Variants in PAM observed in about 807,000 individuals in gnomAD.
The protein encoded by PAM is peptidylglycine alpha-amidating monooxygenase, also known as peptidyl-glycine alpha-amidating monooxygenase.
A neutral mutation model predicts 122.1 loss-of-function variants in PAM; 72 were observed. The ratio of observed to expected loss-of-function variants is 0.59; its 90% confidence interval spans 0.49 to 0.72. The LOEUF is 0.72. PAM is among the 30% of genes least tolerant of loss of function. The pLI is 0.00. For missense variants in PAM, 1,106 were observed against 1,183.7 expected (o/e 0.93, Z 0.96); for synonymous variants, 389 against 404.4 (o/e 0.96, Z 0.46).
At chr5:102,930,503 G>T (rs1381783797) in intron 7 of PAM, among the ~76,000 whole-genome samples, 1 of 152,160 alleles carries the variant, frequency 6.6e-6, no homozygotes, top group African/African-American at 2.4e-5. Flanking sequence ...GAGTGAAACA[G>T]CATCTTAGAC....
intron 14 of PAM, among the ~76,000 whole-genome samples, chr5:102,968,009 CACAGTGCCCAGCCAAAA>C (rs1764643836): frequency 1.3e-5 from 2 of 152,048 alleles, no homozygotes; most frequent in African/African-American, 4.8e-5. Flanking sequence ...AGGCATGAGC[CACAGTGCCCAGCCAAAA>C]ACTAGTCATT....
intron 1 of PAM, among the ~76,000 whole-genome samples, chr5:102,789,222 G>A (rs1561451836): frequency 1.3e-5 from 2 of 152,030 alleles, no homozygotes; most frequent in African/African-American, 4.8e-5. Flanking sequence ...TTAAAAATCA[G>A]AAGACATGTT....
At chr5:103,002,036 A>G (rs1552916) in intron 16 of PAM, among the ~76,000 whole-genome samples, 50,833 of 151,776 alleles carry the variant, frequency 0.33, 8,705 homozygotes, top group East Asian at 0.44. Flanking sequence ...ACACACACAC[A>G]TACACACACA....
chr5:102,891,751 G>T (rs1794852228), intron 3 of PAM, among the ~76,000 whole-genome samples: 1 of 151,788 alleles, frequency 6.6e-6, no homozygotes, highest in South Asian at 2.1e-4. Context: ...CTAGTTAAGA[G>T]ACTCAGTGGA....
chr5:102,755,619 C>A (rs934765816), intron 1 of PAM: 1 of 152,626 alleles, frequency 6.6e-6, no homozygotes, highest in South Asian at 2.1e-4. Flanking sequence ...TATTAAGTCC[C>A]TGGCCAGTTT....
chr5:102,980,384 A>C (rs1446813463), intron 15 of PAM, among the ~76,000 whole-genome samples: 1 of 152,194 alleles, frequency 6.6e-6, no homozygotes, highest in African/African-American at 2.4e-5. Context: ...TTTATCATAT[A>C]ATTTCTTTAA....
intron 20 of PAM, 83 bp downstream of exon 20, chr5:103,007,740 T>C: frequency 1.2e-6 from 1 of 850,220 alleles, no homozygotes; most frequent in Non-Finnish European, 1.9e-6. Flanking sequence ...GTGCTCTTTT[T>C]ATAAATTTTC....
chr5:103,005,907 C>CTCG (rs1554170192), intron 18 of PAM, among the ~76,000 whole-genome samples: 11 of 150,794 alleles, frequency 7.3e-5, no homozygotes, highest in Admixed American at 5.3e-4. Context: ...CTGTTCCTAA[C>CTCG]TTGTTGTTGT....
chr5:102,986,313 G>A (rs554168841), intron 15 of PAM, among the ~76,000 whole-genome samples: 16 of 152,186 alleles, frequency 1.1e-4, no homozygotes, highest in African/African-American at 2.4e-4. Flanking sequence ...TGTAGATGAC[G>A]TGATCTTATA....
intron 7 of PAM, among the ~76,000 whole-genome samples, chr5:102,941,030 C>G (rs1038631948): frequency 6.6e-6 from 1 of 152,172 alleles, no homozygotes; most frequent in Non-Finnish European, 1.5e-5. Flanking sequence ...AAGGATGCCT[C>G]TGGAGCAGGT....
chr5:102,982,882 A>G lies in PAM; in HGVS notation c.1484-7390A>G, dbSNP rs147319155. Among the ~76,000 whole-genome samples, 517 of 152,274 alleles carry G rather than the reference A, an allele frequency of 3.4e-3. 12 individuals are homozygous for G. Among genetic ancestry groups the G allele is most frequent in the Admixed American group, 0.025 (381 of 15,304 alleles). ...AACAGACTCAACAAAAAAGAAATCT[A>G]TGAAATTCCTGAAAAAGAATTCAAC... On this transcript the variant is annotated intron_variant, in intron 15 of 25. Coordinates refer to ENST00000438793, the MANE Select transcript of PAM (RefSeq NM_001177306.2).
intron 1 of PAM, among the ~76,000 whole-genome samples, chr5:102,853,489 T>C (rs1458750681): frequency 1.3e-5 from 2 of 152,178 alleles, no homozygotes; most frequent in African/African-American, 4.8e-5. Flanking sequence ...GAATGAACAG[T>C]GTAAATTTAG....
chr5:103,011,571 C>T (rs893811873), intron 21 of PAM, among the ~76,000 whole-genome samples: 5 of 152,142 alleles, frequency 3.3e-5, no homozygotes, highest in Non-Finnish European at 5.9e-5. Flanking sequence ...CAGTTCCATC[C>T]ATGTTATTGC....
intron 1 of PAM, among the ~76,000 whole-genome samples, chr5:102,853,503 A>G (rs934078958): frequency 1.2e-4 from 19 of 152,368 alleles, no homozygotes; most frequent in Middle Eastern, 3.4e-3. Context: ...AATTTAGAAA[A>G]ATAAAAGAAA....
chr5:102,933,723 T>C (rs1452691920), intron 7 of PAM, among the ~76,000 whole-genome samples: 1 of 152,228 alleles, frequency 6.6e-6, no homozygotes, highest in East Asian at 1.9e-4. Flanking sequence ...AGAAGACTAC[T>C]GCCAGGAAGC....
intron 16 of PAM, among the ~76,000 whole-genome samples, chr5:103,000,643 G>C (rs1777096680): frequency 6.6e-6 from 1 of 152,178 alleles, no homozygotes. Context: ...GTTCAGCATG[G>C]CTGGAGGAGC....
At position 102,861,103 on chromosome 5, in the gene PAM, A is replaced by C. The variant is rs73774899; in HGVS notation, c.-373-4720A>C. Among the ~76,000 whole-genome samples, 1,121 of 152,284 alleles carry C rather than the reference A, an allele frequency of 7.4e-3. 15 individuals carry two copies. The highest frequency in any genetic ancestry group is 0.025 in the African/African-American group (1,031 of 41,550). On this transcript the variant is annotated intron_variant, in intron 1 of 25. Coordinates refer to ENST00000438793, the MANE Select transcript of PAM (RefSeq NM_001177306.2). Reference sequence around the variant, plus strand: ...CATATTGAGGACATGTTTTTTTGCCAACAACCAGCACTAACTTCCCAGCCA... The same window carrying C: ...CATATTGAGGACATGTTTTTTTGCCCACAACCAGCACTAACTTCCCAGCCA...
At position 102,946,898 on chromosome 5, in the gene PAM, AT is replaced by A; in HGVS notation, c.575+18del. 1 of 1,573,696 alleles carries A rather than the reference AT, an allele frequency of 6.4e-7. No individual in the cohort carries two copies. The highest frequency in any genetic ancestry group is 8.7e-7 in the Non-Finnish European group (1 of 1,144,470). ...TCACACGTCTGCCGTAAGTACTTCC[AT>A]TTTTCCTAGAGGAGCAGCAACTTTA... is the stretch of plus-strand genomic sequence containing the variant. On this transcript the variant is annotated intron_variant, in intron 8 of 25. Transcript: ENST00000438793.
intron 12 of PAM, among the ~76,000 whole-genome samples, chr5:102,953,928 G>A (rs777598921): frequency 3.3e-5 from 5 of 152,050 alleles, no homozygotes; most frequent in Non-Finnish European, 5.9e-5. Context: ...CTGGAGAATC[G>A]CTTGAACCTG....
Sources: allele counts gnomAD v4.1 joint callset (sites outside exome capture counted in the v4.1 genomes callset), GRCh38; gene constraint gnomAD v4.1.1; transcripts MANE v1.5; gene names NCBI Gene and HGNC (gene_info 2026-07-23, HGNC 2026-07-21).